FBXL5: variants seen among roughly 807,000 people sequenced by gnomAD.
FBXL5 encodes the protein F-box and leucine rich repeat protein 5, also known as F-box/LRR-repeat protein 5.
A neutral mutation model predicts 78.3 loss-of-function variants in FBXL5; 26 were observed. The ratio of observed to expected loss-of-function variants is 0.33; its 90% CI spans 0.24 to 0.46. The LOEUF is 0.46. Ranked by LOEUF, FBXL5 falls within the 20% of genes least tolerant of loss-of-function variation. The probability of loss-of-function intolerance (pLI) is 1.00; values close to 1 mark genes in which losing one functional copy is unlikely to be tolerated. For missense variants in FBXL5, 710 were observed against 829.2 expected (o/e 0.86, Z 1.77); for synonymous variants, 295 against 282.5 (o/e 1.04, Z -0.45).
At chr4:15,647,828 T>A (rs1385141442) in intron 1 of FBXL5, among the ~76,000 whole-genome samples, 2 of 152,230 alleles carry the variant, frequency 1.3e-5, no homozygotes, top group Non-Finnish European at 2.9e-5. Flanking sequence ...AAAACAGGGC[T>A]AATAATATTA....
chr4:15,661,258 T>C (rs1039122681), upstream of FBXL5, among the ~76,000 whole-genome samples: 1 of 152,224 alleles, frequency 6.6e-6, no homozygotes, highest in Non-Finnish European at 1.5e-5. Context: ...TGCTTGTAAT[T>C]GCACTGTTTT....
intron 5 of FBXL5, among the ~76,000 whole-genome samples, chr4:15,636,024 A>G (rs540474488): frequency 2.6e-5 from 4 of 152,072 alleles, no homozygotes; most frequent in Non-Finnish European, 5.9e-5. Context: ...CCATCACCAA[A>G]ATGGAGCCAT....
intron 2 of FBXL5, chr4:15,641,544 T>C (rs1032791819): frequency 2.0e-5 from 9 of 445,190 alleles, no homozygotes; most frequent in Non-Finnish European, 4.0e-5. Flanking sequence ...GAATCCAGTA[T>C]ATATATTTTA....
At chr4:15,651,918 A>G (rs1023907892) in intron 1 of FBXL5, among the ~76,000 whole-genome samples, 12 of 152,154 alleles carry the variant, frequency 7.9e-5, no homozygotes, top group African/African-American at 2.9e-4. Flanking sequence ...CACTCCTGAC[A>G]CTTTAATGTG....
At chr4:15,628,791 ACACACACACACACG>A (rs1560221984) in intron 6 of FBXL5, among the ~76,000 whole-genome samples, 85 of 78,492 alleles carry the variant, frequency 1.1e-3, no homozygotes, top group African/African-American at 3.4e-3. Flanking sequence ...ACACACACGC[ACACACACACACACG>A]AAGATAAAAT....
intron 6 of FBXL5, among the ~76,000 whole-genome samples, chr4:15,628,419 G>A (rs1480968671): frequency 6.6e-6 from 1 of 152,034 alleles, no homozygotes; most frequent in Non-Finnish European, 1.5e-5. Context: ...CATGGCTTTT[G>A]GTTTTACTTA....
intron 9 of FBXL5, among the ~76,000 whole-genome samples, chr4:15,619,445 T>C (rs1712254589): frequency 1.3e-5 from 2 of 151,988 alleles, no homozygotes; most frequent in Admixed American, 6.6e-5. Context: ...TCTCAACTGA[T>C]TGAGAAAAAA....
intron 1 of FBXL5, among the ~76,000 whole-genome samples, chr4:15,646,547 TA>T (rs1009284381): frequency 1.1e-3 from 173 of 151,352 alleles, no homozygotes; most frequent in African/African-American, 3.2e-3. Context: ...AAATATTTTT[TA>T]TTATTATTAT....
chr4:15,606,404 A>G (rs1370447380), intron 10 of FBXL5, among the ~76,000 whole-genome samples: 1 of 152,154 alleles, frequency 6.6e-6, no homozygotes, highest in Non-Finnish European at 1.5e-5. Flanking sequence ...CATAGTAAAA[A>G]TTATCATTCA....
chr4:15,664,624 C>T (rs1315917145), upstream of FBXL5, among the ~76,000 whole-genome samples: 3 of 126,926 alleles, frequency 2.4e-5, no homozygotes, highest in Admixed American at 3.1e-4. Flanking sequence ...ATGGTACGAT[C>T]TCAGCTCACT....
At chr4:15,654,670 G>A (rs1408747105) in intron 1 of FBXL5, among the ~76,000 whole-genome samples, 1 of 152,222 alleles carries the variant, frequency 6.6e-6, no homozygotes, top group Non-Finnish European at 1.5e-5. Flanking sequence ...AAAAGGAACC[G>A]GGTAGCTGGG....
At position 15,677,434 on chromosome 4, in the gene FBXL5, C is replaced by G. The variant is rs1016744865; in HGVS notation, c.-284+3949G>C. 2.6e-5 allele frequency among the ~76,000 whole-genome samples: 4 copies of G among 152,078 alleles called. No individual in the cohort carries two copies. The East Asian group carries it at 7.7e-4, about 29-fold the overall frequency. ...TAGGGGTTGGGAGATAGAGAGGGAC[C>G]CTAGGTACCTTCAGGATGGAGGCTG... On this transcript the variant is annotated intron_variant, in intron 1 of 4. Transcript: ENST00000507899.
chr4:15,633,917 T>A lies in FBXL5; in HGVS notation c.766+2577A>T, dbSNP rs535062119. Among the ~76,000 whole-genome samples the A allele has an allele frequency of 3.9e-5, 6 of 152,242 alleles. No individual in the cohort carries two copies. The South Asian group carries it at 1.2e-3, about 32-fold the overall frequency. ...GTGCCTGGCCAATTTACTGAACTCT[T>A]AACATTACATCTAAATTAAGGCTTC... is the stretch of plus-strand genomic sequence containing the variant. On this transcript the variant is annotated intron_variant, in intron 5 of 10. Transcript: ENST00000341285.
chr4:15,656,290 ACT>A (rs763878426), upstream of FBXL5: 80 of 455,916 alleles, frequency 1.8e-4, no homozygotes, highest in African/African-American at 8.8e-4. Context: ...CCTCCTGGAG[ACT>A]CTGTTCTCTG....
intron 3 of FBXL5, among the ~76,000 whole-genome samples, chr4:15,640,407 AAAAC>A (rs1258833043): frequency 1.3e-5 from 2 of 151,628 alleles, no homozygotes; most frequent in African/African-American, 4.8e-5. Flanking sequence ...AAAAAAAAAA[AAAAC>A]ATGAAAAAAT....
intron 9 of FBXL5, 75 bp downstream of exon 9, chr4:15,625,177 T>C: frequency 6.8e-7 from 1 of 1,472,172 alleles, no homozygotes; most frequent in Non-Finnish European, 9.0e-7. Context: ...AAGAATGACT[T>C]AGATCAAAAT....
At chr4:15,632,034 T>G (rs1346076647) in intron 5 of FBXL5, among the ~76,000 whole-genome samples, 5 of 152,176 alleles carry the variant, frequency 3.3e-5, no homozygotes, top group Non-Finnish European at 7.4e-5. Context: ...TCTTCTAGGG[T>G]TTTTATGGTT....
rs1712905562 is a variant in FBXL5, at chr4:15,625,179, G to T, written c.1850+73C>A. On this transcript the variant is annotated intron_variant, in intron 9 of 10. Transcript: ENST00000341285. The stretch of plus-strand genomic sequence containing the variant: ...TAAATCAACTGAAAAGAATGACTTA[G>T]ATCAAAATTTTTATATTCCATTTGG... The T allele has an allele frequency of 6.1e-6, 9 of 1,477,510 alleles. No homozygotes were observed. The South Asian group carries it at 1.1e-4, about 19-fold the overall frequency. 91.5% of individuals were successfully genotyped at this position (1,477,510 alleles called of 1,614,324 possible). A position where few individuals can be genotyped will look rare whatever the true frequency, so the allele number is the denominator to read the frequency against.
intron 9 of FBXL5, among the ~76,000 whole-genome samples, chr4:15,614,153 C>G (rs996681574): frequency 2.0e-5 from 3 of 152,214 alleles, no homozygotes; most frequent in Admixed American, 2.0e-4. Flanking sequence ...ATGCTCTCCC[C>G]ACTTCCCCTA....
Sources: gnomAD v4.1 joint callset for allele counts (sites outside exome capture counted in the v4.1 genomes callset) on GRCh38, gnomAD v4.1.1 for gene constraint, MANE v1.5 for transcripts, NCBI Gene and HGNC (gene_info 2026-07-23, HGNC 2026-07-21) for gene names.